The following CCNJL variants were observed in gnomAD, a reference collection of about 807,000 sequenced individuals.
CCNJL encodes the protein cyclin-J-like protein.
CCNJL carries 33 observed loss-of-function variants against 33.4 expected under a neutral mutation model. The ratio of observed to expected loss-of-function variants is 0.99; its 90% CI spans 0.75 to 1.32. The LOEUF is 1.32. Ranked by LOEUF, CCNJL falls within the 40% of genes most tolerant of loss-of-function variation. CCNJL has a pLI of 0.00. For missense variants in CCNJL, 512 were observed against 499.7 expected (o/e 1.02, Z -0.23); for synonymous variants, 227 against 220.9 (o/e 1.03, Z -0.24).
chr5:160,309,034 G>A (rs1763182743), intron 2 of CCNJL, among the ~76,000 whole-genome samples: 2 of 152,232 alleles, frequency 1.3e-5, no homozygotes, highest in South Asian at 4.1e-4. Context: ...TAGGGAAGGG[G>A]TAAGAGACAA....
chr5:160,329,026 C>T (rs574010535), intron 1 of CCNJL, among the ~76,000 whole-genome samples: 5 of 152,310 alleles, frequency 3.3e-5, no homozygotes, highest in Admixed American at 1.3e-4. Context: ...ACTCTAACCA[C>T]GAGGCTCCCC....
chr5:160,280,811 G>A lies in CCNJL; in HGVS notation c.67-73C>T. ...AGAGTCTCGGCTGTCCCAGGAAATG[G>A]GACCTCAGGGCCTGAATGGGAGGCA... On this transcript the variant is annotated intron_variant, in intron 2 of 5. Transcript: ENST00000257536. 9 of 1,010,302 alleles carry A rather than the reference G, an allele frequency of 8.9e-6. 1 individual carries two copies. The South Asian group carries it at 9.5e-5, about 11-fold the overall frequency. The allele number at this position is 1,010,302 out of a possible 1,614,324, so 62.6% of individuals were successfully genotyped here.
At chr5:160,283,282 G>A (rs1762301605) in intron 2 of CCNJL, among the ~76,000 whole-genome samples, 1 of 151,930 alleles carries the variant, frequency 6.6e-6, no homozygotes, top group Non-Finnish European at 1.5e-5. Flanking sequence ...TATATGAAAT[G>A]TCCAGAATAG....
chr5:160,295,127 C>T (rs1762713607), intron 2 of CCNJL, among the ~76,000 whole-genome samples: 2 of 152,262 alleles, frequency 1.3e-5, no homozygotes, highest in South Asian at 4.1e-4. Flanking sequence ...GGGGGTTCCC[C>T]CCCGTACTGG....
chr5:160,303,774 G>T (rs1399889537), intron 2 of CCNJL, among the ~76,000 whole-genome samples: 1 of 151,088 alleles, frequency 6.6e-6, no homozygotes, highest in Non-Finnish European at 1.5e-5. Flanking sequence ...AGAGAGAACA[G>T]CAGAGTCGCA....
At chr5:160,284,110 G>C (rs939406704) in intron 2 of CCNJL, among the ~76,000 whole-genome samples, 2 of 152,196 alleles carry the variant, frequency 1.3e-5, no homozygotes, top group Non-Finnish European at 2.9e-5. Flanking sequence ...CCAGCACTTT[G>C]GGAGGCTGAG....
At chr5:160,279,864 T>C (rs147217103) in intron 3 of CCNJL, among the ~76,000 whole-genome samples, 1 of 152,176 alleles carries the variant, frequency 6.6e-6, no homozygotes, top group Non-Finnish European at 1.5e-5. Context: ...AAGGGTGGCA[T>C]GGCAGAACTG....
chr5:160,339,003 G>A (rs11950343), intron 1 of CCNJL, among the ~76,000 whole-genome samples: 72,513 of 151,646 alleles, frequency 0.48, 17,600 homozygotes, highest in Middle Eastern at 0.54. Flanking sequence ...TGGCCAGGCC[G>A]GTCTCGAACT....
intron 3 of CCNJL, among the ~76,000 whole-genome samples, chr5:160,278,932 C>T (rs1404083597): frequency 6.6e-6 from 1 of 152,210 alleles, no homozygotes; most frequent in East Asian, 1.9e-4. Context: ...ACAGGCTGGA[C>T]ACCCAGCAAG....
At chr5:160,320,871 CTCTT>C (rs1206025758) in intron 1 of CCNJL, among the ~76,000 whole-genome samples, 47 of 70,906 alleles carry the variant, frequency 6.6e-4, no homozygotes, top group East Asian at 2.2e-3. Flanking sequence ...CTTTCTTTCT[CTCTT>C]TCTTTCTTTT....
At chr5:160,331,735 G>A (rs149580990) in intron 1 of CCNJL, among the ~76,000 whole-genome samples, 109 of 152,302 alleles carry the variant, frequency 7.2e-4, no homozygotes, top group African/African-American at 2.3e-3. Context: ...TGCACTGACC[G>A]TGATGGGACA....
At chr5:160,277,246 C>T (rs747062187) in intron 3 of CCNJL, among the ~76,000 whole-genome samples, 15 of 152,130 alleles carry the variant, frequency 9.9e-5, no homozygotes, top group Non-Finnish European at 1.8e-4. Context: ...CGTGAGGATC[C>T]GTGCGATGTG....
At position 160,249,762 on chromosome 5, in the gene CCNJL, CAAAAAATAAATAAATAAATA is replaced by C. The variant is rs1760756232; in HGVS notation, c.*3596_*3615del. On this transcript the variant is annotated 3_prime_UTR_variant, in exon 6 of 6. Transcript: ENST00000257536. ...TGGGCCACAGAGTGAGACCCTGTTTCAAAAAATAAATAAATAAATAAATAAATAAATAAATAAATAAATAA... is the reference window on the plus strand; with the variant it reads ...TGGGCCACAGAGTGAGACCCTGTTTCAATAAATAAATAAATAAATAAATAA... The C allele has an allele frequency of 8.3e-6, 1 of 121,026 alleles. No homozygotes were observed. Among genetic ancestry groups the C allele is most frequent in the Non-Finnish European group, 1.8e-5 (1 of 56,324 alleles). The allele number at this position is 121,026 out of a possible 1,614,324, so 7.5% of individuals were successfully genotyped here.
At chr5:160,266,157 T>C (rs1761576552) in intron 3 of CCNJL, among the ~76,000 whole-genome samples, 1 of 152,232 alleles carries the variant, frequency 6.6e-6, no homozygotes, top group Non-Finnish European at 1.5e-5. Context: ...GCCTGACATC[T>C]ATCTTCCCAG....
intron 1 of CCNJL, among the ~76,000 whole-genome samples, chr5:160,320,850 C>CTTTCTTTCT (rs1491096774): frequency 3.6e-5 from 2 of 55,526 alleles, no homozygotes; most frequent in East Asian, 8.6e-4. Context: ...TCTTTCTTTC[C>CTTTCTTTCT]TTCTTTCTTT....
At chr5:160,322,378 C>A (rs947810989) in intron 1 of CCNJL, among the ~76,000 whole-genome samples, 6 of 152,144 alleles carry the variant, frequency 3.9e-5, no homozygotes, top group African/African-American at 1.4e-4. Context: ...TGATCTCAAG[C>A]AAGTTAGCTA....
intron 2 of CCNJL, among the ~76,000 whole-genome samples, chr5:160,301,759 T>G (rs1762930231): frequency 6.7e-6 from 1 of 148,150 alleles, no homozygotes; most frequent in Admixed American, 6.8e-5. Context: ...TGAAACAGTC[T>G]CTCTTTGTCA....
chr5:160,280,817 C>A (rs145916838), intron 2 of CCNJL, 79 bp from the exon 3 acceptor site: 1 of 979,184 alleles, frequency 1.0e-6, no homozygotes, highest in Non-Finnish European at 1.6e-6. Flanking sequence ...AATGGGACCT[C>A]AGGGCCTGAA....
At chr5:160,282,979 A>ATG (rs1762272402) in intron 2 of CCNJL, among the ~76,000 whole-genome samples, 1 of 56,358 alleles carries the variant, frequency 1.8e-5, no homozygotes, top group Non-Finnish European at 3.1e-5. Flanking sequence ...ATATATATAT[A>ATG]TATATATATA....
Sources: gnomAD v4.1 joint callset for allele counts (sites outside exome capture counted in the v4.1 genomes callset) on GRCh38, gnomAD v4.1.1 for gene constraint, MANE v1.5 for transcripts, NCBI Gene and HGNC (gene_info 2026-07-23, HGNC 2026-07-21) for gene names.